LGI2: variants seen among roughly 807,000 people sequenced by gnomAD.
The protein encoded by LGI2 is leucine-rich repeat LGI family member 2.
A neutral mutation model predicts 52.0 loss-of-function variants in LGI2; 30 were observed. The observed-to-expected ratio is 0.58, with a 90% CI of 0.43 to 0.78. The LOEUF (loss-of-function observed/expected upper bound fraction) is 0.78, where lower values mean the gene tolerates loss of function less well. Ranked by LOEUF, LGI2 falls within the 30% of genes least tolerant of loss-of-function variation. The probability of loss-of-function intolerance (pLI) is 0.00; values close to 1 mark genes in which losing one functional copy is unlikely to be tolerated. For missense variants in LGI2, 573 were observed against 692.5 expected, an observed-to-expected ratio of 0.83 and a Z score of 1.94; for synonymous variants, 270 against 271.8, an observed-to-expected ratio of 0.99 and a Z score of 0.06.
intron 4 of LGI2, 47 bp from the exon 5 acceptor site, chr4:25,019,285 T>G (rs763582262): frequency 7.9e-7 from 1 of 1,263,858 alleles, no homozygotes; most frequent in South Asian, 1.2e-5. Flanking sequence ...TCTCATGCCC[T>G]GTCACTCTCA....
Position 25,017,986 on chromosome 4 carries a change from T to C in LGI2, c.655+3A>G. 2 of 1,604,112 alleles carry C rather than the reference T, an allele frequency of 1.2e-6. No individual in the cohort carries two copies. The highest frequency in any genetic ancestry group is 1.7e-6 in the Non-Finnish European group (2 of 1,176,754). On this transcript the variant is annotated splice_donor_region_variant and intron_variant, in intron 6 of 7. Coordinates refer to ENST00000382114, the MANE Select transcript of LGI2 (RefSeq NM_018176.4). ...CGTGTCTGATGAGATAGGCTCTGAA[T>C]ACCTGTAGTTGTGCATTCATAGTCA...
rs1167621198 is a variant in LGI2, at chr4:25,018,010, C to G, written c.634G>C (p.Asp212His). Reference protein sequence around the residue: ...EKKLNDVTSFDYECTTTDFVV... With the variant: ...EKKLNDVTSFHYECTTTDFVV... ...ATACCTGTAGTTGTGCATTCATAGT[C>G]AAAGCTGGTCACGTCATTTAGCTTC... Residue 212 changes from aspartate to histidine, a missense_variant, in exon 6 of 8, where the codon GAC (aspartate) becomes CAC (histidine). Transcript: ENST00000382114. The G allele has an allele frequency of 1.9e-6, 3 of 1,611,566 alleles. No homozygotes were observed. Among genetic ancestry groups the G allele is most frequent in the Admixed American group, 1.7e-5 (1 of 59,232 alleles).
intron 7 of LGI2, among the ~76,000 whole-genome samples, chr4:25,007,553 T>C (rs1725429618): frequency 6.6e-6 from 1 of 150,718 alleles, no homozygotes; most frequent in African/African-American, 2.4e-5. Context: ...AGGTTAGCCA[T>C]GGAGTTGTCA....
intron 7 of LGI2, among the ~76,000 whole-genome samples, chr4:25,009,429 C>T (rs1725502385): frequency 6.6e-6 from 1 of 152,118 alleles, no homozygotes; most frequent in Non-Finnish European, 1.5e-5. Flanking sequence ...CTCTCCTGGA[C>T]CCTCTACCCA....
At chr4:25,006,601 A>C (rs1725398488) in intron 7 of LGI2, among the ~76,000 whole-genome samples, 1 of 152,348 alleles carries the variant, frequency 6.6e-6, no homozygotes, top group Middle Eastern at 3.4e-3. Context: ...TGTGTGTTAA[A>C]TGTTTACCAG....
intron 6 of LGI2, among the ~76,000 whole-genome samples, chr4:25,016,832 C>G (rs1725778400): frequency 1.3e-5 from 2 of 152,174 alleles, no homozygotes; most frequent in South Asian, 4.1e-4. Flanking sequence ...GCTGCTTCTC[C>G]TGACATGACT....
intron 4 of LGI2, among the ~76,000 whole-genome samples, chr4:25,019,670 A>G (rs967218193): frequency 1.4e-4 from 22 of 151,814 alleles, no homozygotes; most frequent in African/African-American, 5.3e-4. Flanking sequence ...GCATGCTCCT[A>G]CCCTCCAGGC....
At chr4:25,015,705 C>T (rs370850363) in intron 6 of LGI2, among the ~76,000 whole-genome samples, 2 of 152,132 alleles carry the variant, frequency 1.3e-5, no homozygotes, top group African/African-American at 2.4e-5. Flanking sequence ...TTTGTTCCCC[C>T]GACCCCACGC....
At chr4:25,027,183 G>T (rs927220640) in intron 2 of LGI2, among the ~76,000 whole-genome samples, 19 of 152,098 alleles carry the variant, frequency 1.2e-4, no homozygotes, top group Admixed American at 3.9e-4. Context: ...TCTTCCCTGT[G>T]TGTCTCAGTA....
chr4:25,030,456 G>C (rs757756713), intron 1 of LGI2, 41 bp downstream of exon 1: 26 of 1,551,316 alleles, frequency 1.7e-5, no homozygotes, highest in Non-Finnish European at 2.3e-5. Context: ...CGGACGCAGG[G>C]TGGGGCGGGA....
intron 7 of LGI2, among the ~76,000 whole-genome samples, chr4:25,008,431 T>C (rs1365191188): frequency 6.6e-6 from 1 of 151,406 alleles, no homozygotes; most frequent in African/African-American, 2.4e-5. Flanking sequence ...TGTGTGCCTG[T>C]AATCCCAGAT....
intron 4 of LGI2, among the ~76,000 whole-genome samples, chr4:25,022,376 G>T (rs961515387): frequency 2.0e-5 from 3 of 152,170 alleles, no homozygotes; most frequent in Non-Finnish European, 2.9e-5. Context: ...GATGGGGTGG[G>T]GGAGCGCCGA....
At chr4:24,995,486 C>T (rs1176588908), downstream of LGI2, among the ~76,000 whole-genome samples, 1 of 152,192 alleles carries the variant, frequency 6.6e-6, no homozygotes, top group African/African-American at 2.4e-5. Context: ...CTGACAGATC[C>T]ACCTCCAAGT....
intron 6 of LGI2, among the ~76,000 whole-genome samples, chr4:25,016,739 G>A (rs1280778822): frequency 1.3e-5 from 2 of 152,208 alleles, no homozygotes; most frequent in Non-Finnish European, 2.9e-5. Flanking sequence ...GGTGGTAGCG[G>A]GGACTGGCCT....
At chr4:25,008,014 C>A (rs748431745) in intron 7 of LGI2, among the ~76,000 whole-genome samples, 3 of 152,218 alleles carry the variant, frequency 2.0e-5, no homozygotes, top group Non-Finnish European at 4.4e-5. Flanking sequence ...TGCCTACCCA[C>A]GTGTGCTATA....
intron 6 of LGI2, among the ~76,000 whole-genome samples, chr4:25,013,356 AAGG>A (rs1405524056): frequency 1.3e-5 from 2 of 152,194 alleles, no homozygotes; most frequent in African/African-American, 4.8e-5. Flanking sequence ...ATGTGGGGAG[AAGG>A]AGGAGAAAAG....
chr4:25,011,333 C>T (rs577157615), intron 7 of LGI2, among the ~76,000 whole-genome samples: 2 of 152,278 alleles, frequency 1.3e-5, no homozygotes, highest in African/African-American at 2.4e-5. Flanking sequence ...CTTCCAAGAG[C>T]GTTACTCTCC....
intron 6 of LGI2, among the ~76,000 whole-genome samples, chr4:25,014,799 C>T (rs576868414): frequency 5.3e-4 from 71 of 133,964 alleles, no homozygotes; most frequent in Non-Finnish European, 9.3e-4. Context: ...CCACTGCACT[C>T]TAGCCTGGAT....
chr4:24,996,150 G>T (rs1404295703), downstream of LGI2, among the ~76,000 whole-genome samples: 1 of 152,148 alleles, frequency 6.6e-6, no homozygotes, highest in Non-Finnish European at 1.5e-5. Flanking sequence ...TGGTTTGGAG[G>T]CTGTTTCATT....
Sources: allele counts gnomAD v4.1 joint callset (sites outside exome capture counted in the v4.1 genomes callset), GRCh38; gene constraint gnomAD v4.1.1; transcripts MANE v1.5; gene names NCBI Gene and HGNC (gene_info 2026-07-23, HGNC 2026-07-21).